Variants in UNC5C observed in about 807,000 individuals in gnomAD.
The protein encoded by UNC5C is unc-5 netrin receptor C, also known as netrin receptor UNC5C.
A neutral mutation model predicts 99.8 loss-of-function variants in UNC5C; 47 were observed. That is an observed-to-expected ratio of 0.47 (90% CI 0.37 to 0.60). The LOEUF (loss-of-function observed/expected upper bound fraction) is 0.60. Among genes scored for constraint, UNC5C ranks in the 20% least tolerant of loss-of-function variants. The pLI, the probability that UNC5C is intolerant of heterozygous loss-of-function variation, is 0.00. For missense variants in UNC5C, 1,062 were observed against 1,165.9 expected (o/e 0.91, Z 1.30); for synonymous variants, 487 against 452.2 (o/e 1.08, Z -0.98).
At chr4:95,253,084 A>G (rs1347427456) in intron 4 of UNC5C, among the ~76,000 whole-genome samples, 1 of 152,132 alleles carries the variant, frequency 6.6e-6, no homozygotes, top group Non-Finnish European at 1.5e-5. Context: ...CATTCTGTAT[A>G]AGGAACATTC....
intron 1 of UNC5C, among the ~76,000 whole-genome samples, chr4:95,509,155 C>T (rs147863538): frequency 5.3e-5 from 8 of 151,844 alleles, no homozygotes; most frequent in South Asian, 4.2e-4. Flanking sequence ...AGTTTATTCT[C>T]GATTATTATC....
Position 95,219,305 on chromosome 4 carries a change from C to T in UNC5C, c.1309G>A (p.Ala437Thr). 2 of 1,612,666 alleles carry T rather than the reference C, an allele frequency of 1.2e-6. No homozygotes were observed. Among genetic ancestry groups the T allele is most frequent in the Non-Finnish European group, 1.7e-6 (2 of 1,179,058 alleles). ...NIKAARQDLLAVPPDLTSAAA... is the reference protein window; with the variant it reads ...NIKAARQDLLTVPPDLTSAAA... ...GCTGACGTGAGGTCTGGGGGTACAG[C>T]CAGCAGATCTGAGTCAGAAAGAGAA... The change falls in exon 9 of 16, where the codon GCT becomes ACT. Residue 437 changes from alanine (A) to threonine (T), a missense_variant. Ala to Thr is a moderately conservative substitution (Grantham distance 58, BLOSUM62 0). Transcript: ENST00000453304.
intron 1 of UNC5C, among the ~76,000 whole-genome samples, chr4:95,530,951 G>T (rs1722624143): frequency 6.6e-6 from 1 of 152,176 alleles, no homozygotes; most frequent in Admixed American, 6.5e-5. Flanking sequence ...ATATATTCAT[G>T]TGATTCTTAC....
At chr4:95,438,480 A>G (rs987898557) in intron 1 of UNC5C, among the ~76,000 whole-genome samples, 4 of 152,146 alleles carry the variant, frequency 2.6e-5, no homozygotes, top group Non-Finnish European at 4.4e-5. Context: ...AAAATACATG[A>G]AAAGTATAGC....
intron 1 of UNC5C, among the ~76,000 whole-genome samples, chr4:95,500,728 T>C (rs1011278109): frequency 1.3e-5 from 2 of 152,118 alleles, no homozygotes; most frequent in Admixed American, 1.3e-4. Context: ...GAATAGAAAA[T>C]TAATGCAGCC....
At chr4:95,328,879 G>T (rs1028397831) in intron 2 of UNC5C, among the ~76,000 whole-genome samples, 3 of 152,134 alleles carry the variant, frequency 2.0e-5, no homozygotes, top group African/African-American at 7.2e-5. Flanking sequence ...CTGGTAAAGG[G>T]TTCCTTCCTG....
At chr4:95,518,685 TTTTCA>T (rs902616438) in intron 1 of UNC5C, among the ~76,000 whole-genome samples, 4 of 152,196 alleles carry the variant, frequency 2.6e-5, no homozygotes, top group Non-Finnish European at 4.4e-5. Flanking sequence ...AAGATACATG[TTTTCA>T]TTTCATTTGT....
chr4:95,273,426 C>T (rs1740735386), intron 4 of UNC5C, among the ~76,000 whole-genome samples: 1 of 152,140 alleles, frequency 6.6e-6, no homozygotes, highest in South Asian at 2.1e-4. Context: ...ATATTTCTGG[C>T]TCTCCATGTG....
intron 12 of UNC5C, among the ~76,000 whole-genome samples, chr4:95,186,740 G>T (rs1198340879): frequency 6.6e-6 from 1 of 152,202 alleles, no homozygotes; most frequent in Non-Finnish European, 1.5e-5. Context: ...TGGTCCAGCT[G>T]CCTGAGAGTA....
chr4:95,429,576 C>T (rs1746578223), intron 1 of UNC5C, among the ~76,000 whole-genome samples: 2 of 152,088 alleles, frequency 1.3e-5, no homozygotes, highest in African/African-American at 2.4e-5. Flanking sequence ...AATTATTCTT[C>T]CTGGCAGGCT....
chr4:95,455,816 A>G (rs1195007824), intron 1 of UNC5C, among the ~76,000 whole-genome samples: 1 of 152,036 alleles, frequency 6.6e-6, no homozygotes, highest in Non-Finnish European at 1.5e-5. Flanking sequence ...CGTTCTACAT[A>G]ATTTGACTTC....
At chr4:95,428,787 C>G (rs1417431104) in intron 1 of UNC5C, among the ~76,000 whole-genome samples, 1 of 152,126 alleles carries the variant, frequency 6.6e-6, no homozygotes, top group African/African-American at 2.4e-5. Context: ...CCTTTGTGAT[C>G]TTCTTAAGCC....
chr4:95,201,493 C>T (rs1737654171), intron 12 of UNC5C, among the ~76,000 whole-genome samples: 1 of 152,126 alleles, frequency 6.6e-6, no homozygotes, highest in Non-Finnish European at 1.5e-5. Context: ...TCTCCAATCT[C>T]CATTAACTCA....
chr4:95,287,226 C>T (rs914391676), intron 3 of UNC5C, among the ~76,000 whole-genome samples: 6 of 152,182 alleles, frequency 3.9e-5, no homozygotes, highest in Admixed American at 1.3e-4. Flanking sequence ...CACTTATACT[C>T]CTTTACCTAC....
intron 1 of UNC5C, among the ~76,000 whole-genome samples, chr4:95,373,567 T>G (rs1744806657): frequency 6.6e-6 from 1 of 152,206 alleles, no homozygotes; most frequent in African/African-American, 2.4e-5. Flanking sequence ...TGTGTTGATA[T>G]GATGTTTATC....
At chr4:95,268,239 TGTG>T (rs765490452) in intron 4 of UNC5C, among the ~76,000 whole-genome samples, 3 of 152,170 alleles carry the variant, frequency 2.0e-5, no homozygotes, top group Non-Finnish European at 4.4e-5. Context: ...GCGCCCGGCC[TGTG>T]ATTTCTTTTA....
chr4:95,184,141 C>CCAT (rs1419860142), intron 13 of UNC5C, among the ~76,000 whole-genome samples: 2 of 152,194 alleles, frequency 1.3e-5, no homozygotes, highest in African/African-American at 4.8e-5. Flanking sequence ...CCTTCTGTCT[C>CCAT]CATCAAGGAC....
chr4:95,179,429 T>G (rs1560716127), intron 14 of UNC5C, among the ~76,000 whole-genome samples: 1 of 152,212 alleles, frequency 6.6e-6, no homozygotes, highest in Non-Finnish European at 1.5e-5. Flanking sequence ...ATTGCTTTTA[T>G]TACCTATAAA....
At chr4:95,214,595 G>A (rs556272230) in intron 10 of UNC5C, among the ~76,000 whole-genome samples, 129 of 152,214 alleles carry the variant, frequency 8.5e-4, no homozygotes, top group Non-Finnish European at 1.2e-3. Flanking sequence ...GCTTCAGCCC[G>A]TGCCTGCAGC....
Sources: allele counts gnomAD v4.1 joint callset (sites outside exome capture counted in the v4.1 genomes callset), GRCh38; gene constraint gnomAD v4.1.1; transcripts MANE v1.5; gene names NCBI Gene and HGNC (gene_info 2026-07-23, HGNC 2026-07-21).